Variants in LGR5 observed in about 807,000 individuals in gnomAD.
LGR5 encodes leucine-rich repeat-containing G protein-coupled receptor 5.
Under a neutral mutation model 76.7 loss-of-function variants are expected in LGR5, and 54 were observed. The ratio of observed to expected loss-of-function variants is 0.70; its 90% confidence interval spans 0.57 to 0.88. LGR5 has a LOEUF of 0.88. LGR5 is among the 40% of genes least tolerant of loss of function. The pLI is 0.00. For missense variants in LGR5, 1,078 were observed against 1,073.3 expected (o/e 1.00, Z -0.06); for synonymous variants, 406 against 421.9 (o/e 0.96, Z 0.46).
At chr12:71,452,060 C>G (rs561337942) in intron 1 of LGR5, among the ~76,000 whole-genome samples, 2 of 152,308 alleles carry the variant, frequency 1.3e-5, no homozygotes, top group South Asian at 2.1e-4. Context: ...AATCCTAAAC[C>G]TGCTTACCCT....
At chr12:71,500,227 A>G (rs1236334001) in intron 1 of LGR5, among the ~76,000 whole-genome samples, 1 of 152,128 alleles carries the variant, frequency 6.6e-6, no homozygotes, top group Non-Finnish European at 1.5e-5. Context: ...CTGGGATGGA[A>G]CCCATAGGAA....
At chr12:71,486,205 C>A (rs1873819012) in intron 1 of LGR5, among the ~76,000 whole-genome samples, 1 of 152,148 alleles carries the variant, frequency 6.6e-6, no homozygotes, top group Non-Finnish European at 1.5e-5. Context: ...AAATAGCATA[C>A]TGTTACTCTC....
intron 1 of LGR5, among the ~76,000 whole-genome samples, chr12:71,469,138 A>T (rs191719130): frequency 9.2e-5 from 14 of 152,324 alleles, no homozygotes; most frequent in Admixed American, 7.8e-4. Context: ...TTCTACATTC[A>T]TTCTCTGAGC....
Position 71,584,321 on chromosome 12 carries a change from T to A in LGR5, c.2311T>A (p.Leu771Met). The change falls in exon 18 of 18, where the codon TTG becomes ATG. Residue 771 changes from leucine (L) to methionine (M), a missense_variant. Leu to Met is a conservative substitution (Grantham distance 15). Transcript: ENST00000266674. ...DCSMVKHIALLLFTNCILNCP... is the reference protein window; with the variant it reads ...DCSMVKHIALMLFTNCILNCP... ...CTCTATGGTAAAACACATTGCCCTG[T>A]TGCTCTTCACCAACTGCATCCTAAA... The A allele has an allele frequency of 4.3e-6, 7 of 1,614,236 alleles. No homozygotes were observed. Among genetic ancestry groups the A allele is most frequent in the Non-Finnish European group, 5.9e-6 (7 of 1,180,028 alleles).
At chr12:71,491,447 T>C (rs573512226) in intron 1 of LGR5, among the ~76,000 whole-genome samples, 40 of 152,148 alleles carry the variant, frequency 2.6e-4, no homozygotes, top group Non-Finnish European at 4.1e-4. Context: ...AATCATGTCT[T>C]AAGTAATAGA....
intron 4 of LGR5, among the ~76,000 whole-genome samples, chr12:71,538,003 T>C (rs1038363997): frequency 1.1e-4 from 17 of 152,174 alleles, no homozygotes; most frequent in African/African-American, 3.6e-4. Context: ...TTTCTTGGAT[T>C]ATACATTCAC....
chr12:71,539,893 A>C (rs982163854), intron 4 of LGR5, among the ~76,000 whole-genome samples: 1 of 152,240 alleles, frequency 6.6e-6, no homozygotes, highest in African/African-American at 2.4e-5. Context: ...CAGTATGTAC[A>C]TTTGGCTTCT....
rs567393885 is a variant in LGR5 at position 71,441,212 on chromosome 12, C to T, written c.212+920C>T. On this transcript the variant is annotated intron_variant, in intron 1 of 17. Transcript: ENST00000266674. ...ATTTTTTCTGTGGAAAACCCAGGCC[C>T]GAAGGTAACAGGTAGTTGGGTGAAC... 3.3e-5 allele frequency among the ~76,000 whole-genome samples: 5 copies of T among 152,236 alleles called. No individual in the cohort carries two copies. In the South Asian group the frequency reaches 1.0e-3, roughly 32 times the overall value.
chr12:71,505,324 C>T lies in LGR5; in HGVS notation c.284+639C>T, dbSNP rs559585178. On this transcript the variant is annotated intron_variant, in intron 2 of 17. Transcript: ENST00000266674. ...GAGGAATTTTGATTAAGTCTAGTAA[C>T]CACTTTTCAGAAGATGAAAAAGAAC... Among the ~76,000 whole-genome samples the T allele has an allele frequency of 2.6e-5, 4 of 152,306 alleles. No homozygotes were observed. In the East Asian group the frequency reaches 5.8e-4, roughly 22 times the overall value.
intron 1 of LGR5, among the ~76,000 whole-genome samples, chr12:71,449,655 G>A (rs562566862): frequency 6.4e-4 from 97 of 152,142 alleles, no homozygotes; most frequent in Non-Finnish European, 1.1e-3. Flanking sequence ...CTACTACATA[G>A]TAATTTGAAG....
At chr12:71,477,338 G>A (rs904465432) in intron 1 of LGR5, among the ~76,000 whole-genome samples, 1 of 151,864 alleles carries the variant, frequency 6.6e-6, no homozygotes, top group African/African-American at 2.4e-5. Flanking sequence ...TGGGAAATGG[G>A]AATCAGGAGT....
At chr12:71,536,926 T>C (rs1876619866) in intron 4 of LGR5, among the ~76,000 whole-genome samples, 1 of 152,204 alleles carries the variant, frequency 6.6e-6, no homozygotes, top group Non-Finnish European at 1.5e-5. Flanking sequence ...TATAACTATG[T>C]GTTCCCTGTG....
intron 1 of LGR5, among the ~76,000 whole-genome samples, chr12:71,480,798 C>T (rs138876706): frequency 6.6e-6 from 1 of 152,272 alleles, no homozygotes; most frequent in East Asian, 1.9e-4. Context: ...CATTTGCCTA[C>T]GTTATCTCAT....
At chr12:71,453,286 C>T (rs1377065089) in intron 1 of LGR5, among the ~76,000 whole-genome samples, 1 of 152,150 alleles carries the variant, frequency 6.6e-6, no homozygotes, top group Non-Finnish European at 1.5e-5. Context: ...CATATTTGCA[C>T]ATGAGTATGT....
chr12:71,462,864 C>A (rs1473009606), intron 1 of LGR5, among the ~76,000 whole-genome samples: 1 of 152,100 alleles, frequency 6.6e-6, no homozygotes, highest in East Asian at 1.9e-4. Flanking sequence ...TAATACATCC[C>A]AGATAATCTT....
intron 1 of LGR5, among the ~76,000 whole-genome samples, chr12:71,478,624 G>A (rs527952001): frequency 1.1e-4 from 16 of 152,260 alleles, no homozygotes; most frequent in African/African-American, 3.9e-4. Flanking sequence ...ATTTAAAAGT[G>A]CTAACTATGG....
At chr12:71,568,157 C>T (rs2137446771) in intron 11 of LGR5, among the ~76,000 whole-genome samples, 1 of 152,300 alleles carries the variant, frequency 6.6e-6, no homozygotes, top group East Asian at 1.9e-4. Context: ...TAAACTGCAT[C>T]TCTCTCTGCT....
rs1233220558 is a variant in LGR5, at chr12:71,584,859, C to G, written c.*125C>G. 3 of 961,388 alleles carry G rather than the reference C, an allele frequency of 3.1e-6. No individual in the cohort carries two copies. The highest frequency in any genetic ancestry group is 4.6e-6 in the Non-Finnish European group (3 of 647,946). 59.6% of individuals were successfully genotyped at this position (961,388 alleles called of 1,614,324 possible). On this transcript the variant is annotated 3_prime_UTR_variant, in exon 18 of 18. Coordinates refer to ENST00000266674, the MANE Select transcript of LGR5 (RefSeq NM_003667.4). Reference sequence around the variant, plus strand: ...CGGTTTAAAAACCAAAAAAGAATCTCTCAGTTAGTAAGAAAAGGCTGAAAA... The same window carrying G: ...CGGTTTAAAAACCAAAAAAGAATCTGTCAGTTAGTAAGAAAAGGCTGAAAA...
chr12:71,462,826 C>T (rs1437774006), intron 1 of LGR5, among the ~76,000 whole-genome samples: 2 of 152,162 alleles, frequency 1.3e-5, no homozygotes, highest in Non-Finnish European at 1.5e-5. Flanking sequence ...AATCCAACAT[C>T]TTTATCCAAG....
Sources: gnomAD v4.1 joint callset for allele counts (sites outside exome capture counted in the v4.1 genomes callset) on GRCh38, gnomAD v4.1.1 for gene constraint, MANE v1.5 for transcripts, NCBI Gene and HGNC (gene_info 2026-07-23, HGNC 2026-07-21) for gene names.